The following VPS53 variants were observed in gnomAD, a reference collection of about 807,000 sequenced individuals.
VPS53 encodes vacuolar protein sorting-associated protein 53 homolog.
A neutral mutation model predicts 107.0 loss-of-function variants in VPS53; 70 were observed. The observed-to-expected ratio is 0.65, with a 90% CI of 0.54 to 0.80. The LOEUF (loss-of-function observed/expected upper bound fraction) is 0.80, where lower values mean the gene tolerates loss of function less well. Ranked by LOEUF, VPS53 falls within the 30% of genes least tolerant of loss-of-function variation. The probability of loss-of-function intolerance (pLI) is 0.00; values close to 1 mark genes in which losing one functional copy is unlikely to be tolerated. For synonymous variants in VPS53, 409 were observed against 393.3 expected (o/e 1.04, Z -0.47); for missense variants, 917 against 1,049.4 (o/e 0.87, Z 1.74).
In VPS53 at chr17:524,647, G is replaced by A. The variant is rs969757335; in HGVS notation, c.2086-2909C>T. Among the ~76,000 whole-genome samples the A allele has an allele frequency of 6.6e-6, 1 of 152,210 alleles. No homozygotes were observed. The highest frequency in any genetic ancestry group is 1.5e-5 in the Non-Finnish European group (1 of 68,032). ...ATGACACGCAACCTGGTTAGTAACT[G>A]GGAAATGCAAATTAAAACCACAGAT... On this transcript the variant is annotated intron_variant, in intron 19 of 21. Coordinates refer to ENST00000437048, the MANE Select transcript of VPS53 (RefSeq NM_001128159.3). This position sits in a 1 kb window ranked among gnomAD's most constrained non-coding sequence, Gnocchi z 4.5.
rs1169677130 is a variant in VPS53 at position 524,002 on chromosome 17, A to G, written c.2086-2264T>C. Among the ~76,000 whole-genome samples, 6 of 152,114 alleles carry G rather than the reference A, an allele frequency of 3.9e-5. No individual in the cohort carries two copies. The highest frequency in any genetic ancestry group is 3.9e-4 in the Admixed American group (6 of 15,270). ...AAATTCTTAGATATAAAAAAGAAAA[A>G]CTTTAAGAAGAAAATACAGGGCGCA... On this transcript the variant is annotated intron_variant, in intron 19 of 21. Coordinates refer to ENST00000437048, the MANE Select transcript of VPS53 (RefSeq NM_001128159.3). The surrounding 1 kb of genome is among the most constrained non-coding windows in gnomAD (Gnocchi z 4.5).
chr17:532,808 G>T (rs1279812414), intron 19 of VPS53, 34 bp downstream of exon 19: 1 of 1,611,584 alleles, frequency 6.2e-7, no homozygotes, highest in Non-Finnish European at 8.5e-7. Flanking sequence ...AACAAAAGCT[G>T]CCAGGCAAAT....
chr17:654,651 G>A (rs1293717191), intron 6 of VPS53, among the ~76,000 whole-genome samples: 2 of 150,576 alleles, frequency 1.3e-5, no homozygotes, highest in East Asian at 3.9e-4. Flanking sequence ...GCAGGAGAAT[G>A]GCGGGAACCC....
At chr17:619,350 T>C (rs1312757157) in intron 11 of VPS53, among the ~76,000 whole-genome samples, 1 of 140,716 alleles carries the variant, frequency 7.1e-6, no homozygotes, top group Non-Finnish European at 1.5e-5. Context: ...ATTTCCCGGG[T>C]AGCTGGGACT....
At position 628,951 on chromosome 17, in the gene VPS53, G is replaced by A. The variant is rs76543904; in HGVS notation, c.688-720C>T. 1.8e-3 allele frequency among the ~76,000 whole-genome samples: 272 copies of A among 152,314 alleles called. 2 individuals are homozygous for A. Among genetic ancestry groups the A allele is most frequent in the Middle Eastern group, 0.01 (3 of 294 alleles). On this transcript the variant is annotated intron_variant, in intron 8 of 21. Transcript: ENST00000437048. The stretch of plus-strand genomic sequence containing the variant: ...TTTGCTGAGACTTTCTTTACAGTAC[G>A]TCACTGAGTGAACATGACTGGCTAA...
intron 11 of VPS53, among the ~76,000 whole-genome samples, chr17:617,136 G>A (rs1370156069): frequency 2.6e-5 from 4 of 152,170 alleles, no homozygotes; most frequent in African/African-American, 9.7e-5. Context: ...TCCGGACCCT[G>A]CCCAGCCAGA....
At chr17:648,524 C>G (rs372153105) in intron 7 of VPS53, among the ~76,000 whole-genome samples, 5 of 152,168 alleles carry the variant, frequency 3.3e-5, no homozygotes, top group African/African-American at 1.2e-4. Context: ...GCACTCCAGC[C>G]TGGGCGATGG....
chr17:538,806 T>A (rs1910333584), intron 17 of VPS53: 1 of 152,174 alleles, frequency 6.6e-6, no homozygotes, highest in African/African-American at 2.4e-5. Flanking sequence ...AAACAAACAA[T>A]GAAGAAACAG....
At chr17:589,279 C>T (rs1334045406) in intron 12 of VPS53, among the ~76,000 whole-genome samples, 4 of 151,714 alleles carry the variant, frequency 2.6e-5, no homozygotes, top group Non-Finnish European at 4.4e-5. Context: ...TTTATGTGTA[C>T]TTTCCCAACT....
intron 4 of VPS53, among the ~76,000 whole-genome samples, chr17:693,795 A>G (rs1438141541): frequency 1.6e-5 from 2 of 127,196 alleles, no homozygotes; most frequent in Admixed American, 1.7e-4. Flanking sequence ...TCAAGATTAA[A>G]TTTATAAAAC....
intron 7 of VPS53, among the ~76,000 whole-genome samples, chr17:651,576 G>A (rs1341002708): frequency 6.6e-6 from 1 of 152,214 alleles, no homozygotes; most frequent in Admixed American, 6.5e-5. Flanking sequence ...GGGTGACAGA[G>A]TGAGACCCTG....
At chr17:694,143 G>A (rs997973253) in intron 4 of VPS53, among the ~76,000 whole-genome samples, 23 of 152,194 alleles carry the variant, frequency 1.5e-4, no homozygotes, top group Admixed American at 1.3e-4. Flanking sequence ...GGCCATGACA[G>A]GAAAAGCAGT....
intron 4 of VPS53, among the ~76,000 whole-genome samples, chr17:662,618 G>A (rs1422123382): frequency 6.6e-6 from 1 of 151,816 alleles, no homozygotes; most frequent in Non-Finnish European, 1.5e-5. Flanking sequence ...GAACCCGGGA[G>A]GCAGAGCTTG....
chr17:566,837 G>C (rs184307504), intron 13 of VPS53, among the ~76,000 whole-genome samples: 35 of 151,732 alleles, frequency 2.3e-4, no homozygotes, highest in African/African-American at 8.2e-4. Flanking sequence ...TCTGCCTCCC[G>C]GGTTCAAGTG....
At chr17:556,898 G>C in intron 15 of VPS53, among the ~76,000 whole-genome samples, 1 of 150,358 alleles carries the variant, frequency 6.7e-6, no homozygotes, top group Non-Finnish European at 1.5e-5. Flanking sequence ...GGGTGGCCAG[G>C]AGGGCCTCTC....
intron 7 of VPS53, among the ~76,000 whole-genome samples, chr17:650,611 T>C (rs987637328): frequency 3.9e-5 from 6 of 152,142 alleles, no homozygotes; most frequent in African/African-American, 1.2e-4. Flanking sequence ...CAATATCAAG[T>C]GTTGCTGAGG....
At chr17:596,616 G>C (rs2143005417) in intron 12 of VPS53, among the ~76,000 whole-genome samples, 1 of 152,314 alleles carries the variant, frequency 6.6e-6, no homozygotes, top group Non-Finnish European at 1.5e-5. Flanking sequence ...GGAATAATGG[G>C]AGAGACTGCC....
chr17:692,111 C>T (rs1972795637), intron 4 of VPS53, among the ~76,000 whole-genome samples: 1 of 152,160 alleles, frequency 6.6e-6, no homozygotes, highest in Non-Finnish European at 1.5e-5. Flanking sequence ...TGATCCTCTC[C>T]TGTGAGTCTG....
In VPS53 at chr17:685,621, A is replaced by G. The variant is rs1466283389; in HGVS notation, c.285+11797T>C. Among the ~76,000 whole-genome samples the G allele has an allele frequency of 4.6e-5, 7 of 152,292 alleles. No individual in the cohort carries two copies. The South Asian group carries it at 1.5e-3, about 32-fold the overall frequency. ...AAATTACATGTATTAATAAATTTTC[A>G]ACTTAGGATATTTTCAACTTACGAT... On this transcript the variant is annotated intron_variant, in intron 4 of 21. Coordinates refer to ENST00000437048, the MANE Select transcript of VPS53 (RefSeq NM_001128159.3).
Sources: gnomAD v4.1 joint callset for allele counts (sites outside exome capture counted in the v4.1 genomes callset) on GRCh38, gnomAD v4.1.1 for gene constraint, Gnocchi (gnomAD v3.1) non-coding constraint, MANE v1.5 for transcripts, NCBI Gene and HGNC (gene_info 2026-07-23, HGNC 2026-07-21) for gene names.